The following DGKZ variants were observed in gnomAD, a reference collection of about 807,000 sequenced individuals.
DGKZ encodes DAG kinase zeta.
A neutral mutation model predicts 142.5 loss-of-function variants in DGKZ; 45 were observed. That is an observed-to-expected ratio of 0.32 (90% CI 0.25 to 0.40). The LOEUF is 0.40. Ranked by LOEUF, DGKZ falls within the 10% of genes least tolerant of loss-of-function variation. The probability of loss-of-function intolerance (pLI) is 1.00; values close to 1 mark genes in which losing one functional copy is unlikely to be tolerated. For synonymous variants in DGKZ, 442 were observed against 527.0 expected (o/e 0.84, Z 2.21); for missense variants, 755 against 1,306.5 (o/e 0.58, Z 6.51).
intron 1 of DGKZ, chr11:46,366,748 C>G: frequency 6.4e-7 from 1 of 1,551,446 alleles, no homozygotes; most frequent in Non-Finnish European, 8.7e-7. Context: ...GAGCCTCCTC[C>G]CACCTGCTCC....
At chr11:46,369,893 G>T (rs1565057493) in intron 5 of DGKZ, 48 bp from the exon 6 acceptor site, 1 of 1,599,562 alleles carries the variant, frequency 6.3e-7, no homozygotes, top group South Asian at 1.1e-5. Flanking sequence ...TCAGGACTGT[G>T]CCCCTGCCCA....
intron 14 of DGKZ, 75 bp from the exon 15 acceptor site, chr11:46,374,082 C>T (rs548535093): frequency 3.7e-5 from 56 of 1,520,846 alleles, no homozygotes; most frequent in Middle Eastern, 1.7e-4. Context: ...TGAGCTGGCT[C>T]GGCCACACGA....
chr11:46,379,797 G>T, intron 30 of DGKZ, 34 bp from the exon 31 acceptor site: 1 of 1,578,660 alleles, frequency 6.3e-7, no homozygotes, highest in Non-Finnish European at 8.6e-7. Context: ...GCCTGCCTCT[G>T]GCCCCTGCTG....
At chr11:46,364,632 C>A in intron 1 of DGKZ, 1 of 985,450 alleles carries the variant, frequency 1.0e-6, no homozygotes, top group Non-Finnish European at 1.2e-6. Context: ...CCCCCAACAC[C>A]CCTGTACCTG....
intron 1 of DGKZ, among the ~76,000 whole-genome samples, chr11:46,333,676 G>A (rs1939875750): frequency 1.3e-5 from 2 of 152,294 alleles, no homozygotes; most frequent in South Asian, 4.1e-4. Flanking sequence ...TTCTCTGCCT[G>A]AACCGTGAAA....
chr11:46,338,175 T>C (rs1333707429), intron 1 of DGKZ, among the ~76,000 whole-genome samples: 1 of 152,182 alleles, frequency 6.6e-6, no homozygotes, highest in Non-Finnish European at 1.5e-5. Flanking sequence ...TACCATTCTT[T>C]TGCTTTTTCC....
Position 46,376,407 on chromosome 11 carries a change from C to A in DGKZ, c.2161+10C>A. On this transcript the variant is annotated intron_variant, in intron 23 of 30. Coordinates refer to ENST00000527911, the Ensembl canonical transcript of DGKZ. ...TGGTGCTTCCTGGACGGTGAGTCTA[C>A]TCCCAGGGTGCCAAGCTGTTTCGTG... is the stretch of plus-strand genomic sequence containing the variant. 1 of 1,614,118 alleles carries A rather than the reference C, an allele frequency of 6.2e-7. No individual in the cohort carries two copies. The highest frequency in any genetic ancestry group is 8.5e-7 in the Non-Finnish European group (1 of 1,180,002).
intron 1 of DGKZ, among the ~76,000 whole-genome samples, chr11:46,339,429 A>C (rs1252710933): frequency 6.6e-6 from 1 of 152,170 alleles, no homozygotes; most frequent in Non-Finnish European, 1.5e-5. Context: ...TTCCTTTGAA[A>C]AGGGCGGGGC....
At chr11:46,334,707 G>C (rs564639665) in intron 1 of DGKZ, among the ~76,000 whole-genome samples, 5 of 152,164 alleles carry the variant, frequency 3.3e-5, no homozygotes, top group Non-Finnish European at 7.3e-5. Context: ...GGTACACCGG[G>C]CTCCATTACC....
chr11:46,373,124 G>A (rs890030474), intron 14 of DGKZ, 23 bp downstream of exon 14: 3 of 1,530,162 alleles, frequency 2.0e-6, no homozygotes. Context: ...GGGTTGGTGG[G>A]GGGCAGGGCA....
chr11:46,361,579 G>A, intron 1 of DGKZ: 1 of 974,944 alleles, frequency 1.0e-6, no homozygotes, highest in Non-Finnish European at 1.2e-6. Context: ...GGAGGGGGCA[G>A]AGGAGCAGCC....
upstream of DGKZ, chr11:46,345,664 A>G (rs1940542650): frequency 7.4e-7 from 1 of 1,345,006 alleles, no homozygotes; most frequent in Admixed American, 3.4e-5. This position sits in a 1 kb window ranked among gnomAD's most constrained non-coding sequence, Gnocchi z 4.1. Context: ...TGGGGGTGAC[A>G]GAAGTAGGGT....
chr11:46,347,158 C>T (rs1335018499), upstream of DGKZ, among the ~76,000 whole-genome samples: 1 of 152,082 alleles, frequency 6.6e-6, no homozygotes, highest in Non-Finnish European at 1.5e-5. The surrounding 1 kb of genome is among the most constrained non-coding windows in gnomAD (Gnocchi z 6.4). Context: ...TGTGAGCGTG[C>T]AGTTGTTTGG....
At chr11:46,373,749 C>T (rs764190605) in intron 14 of DGKZ, among the ~76,000 whole-genome samples, 36 of 152,308 alleles carry the variant, frequency 2.4e-4, no homozygotes, top group South Asian at 6.2e-4. Context: ...CCATCTGCCT[C>T]GGCCTCCCAA....
chr11:46,332,993 A>G, exon 1 of DGKZ: 1 of 304,822 alleles, frequency 3.3e-6, no homozygotes, highest in East Asian at 5.3e-5. Flanking sequence ...GCTCCGCTCC[A>G]GCCGTCCGGG....
At position 46,347,833 on chromosome 11, in the gene DGKZ, G is replaced by A. The variant is rs1940847287; in HGVS notation, c.161+13G>A. On this transcript the variant is annotated intron_variant, in intron 1 of 30. Transcript: ENST00000527911. The surrounding 1 kb of genome is among the most constrained non-coding windows in gnomAD (Gnocchi z 6.4). ...TCTTCGGGCACAGGTGAGCGGGGCG[G>A]CGGCGGGGCAGGCACCGAGGCACCG... The A allele has an allele frequency of 7.8e-7, 1 of 1,276,250 alleles. No individual in the cohort carries two copies. The highest frequency in any genetic ancestry group is 3.2e-5 in the East Asian group (1 of 31,740). The allele number at this position is 1,276,250 out of a possible 1,614,324, so 79.1% of individuals were successfully genotyped here. A position where few individuals can be genotyped will look rare whatever the true frequency, so the allele number is the denominator to read the frequency against.
intron 1 of DGKZ, chr11:46,366,726 G>T: frequency 6.4e-7 from 1 of 1,553,734 alleles, no homozygotes; most frequent in Non-Finnish European, 8.7e-7. Flanking sequence ...CCCCTACCCC[G>T]CTACCTGCGC....
intron 1 of DGKZ, among the ~76,000 whole-genome samples, chr11:46,351,019 T>G (rs2136404944): frequency 6.6e-6 from 1 of 151,898 alleles, no homozygotes; most frequent in Admixed American, 6.5e-5. Context: ...CCCAGGGTAT[T>G]TAGTTTTCCT....
intron 8 of DGKZ, 24 bp from the exon 9 acceptor site, chr11:46,371,680 C>G: frequency 1.2e-6 from 2 of 1,613,956 alleles, no homozygotes; most frequent in Non-Finnish European, 1.7e-6. Context: ...CACCTCGTCA[C>G]CAACACCCCT....
Sources: gnomAD v4.1 joint callset for allele counts (sites outside exome capture counted in the v4.1 genomes callset) on GRCh38, gnomAD v4.1.1 for gene constraint, Gnocchi (gnomAD v3.1) non-coding constraint, MANE v1.5 for transcripts, NCBI Gene and HGNC (gene_info 2026-07-23, HGNC 2026-07-21) for gene names.